MFSD11: variants seen among roughly 807,000 people sequenced by gnomAD.
MFSD11 encodes UNC93-like protein MFSD11.
In MFSD11, 36 loss-of-function variants were observed where a neutral mutation model predicts 53.5. The observed-to-expected ratio is 0.67, with a 90% CI of 0.52 to 0.89. The LOEUF is 0.89. Ranked by LOEUF, MFSD11 falls within the 40% of genes least tolerant of loss-of-function variation. The probability of loss-of-function intolerance (pLI) is 0.00; values close to 1 mark genes in which losing one functional copy is unlikely to be tolerated. For missense variants in MFSD11, 530 were observed against 543.9 expected (o/e 0.97, Z 0.25); for synonymous variants, 186 against 184.9 (o/e 1.01, Z -0.05).
At chr17:76,773,631 AC>A (rs2081559593) in intron 10 of MFSD11, among the ~76,000 whole-genome samples, 1 of 151,800 alleles carries the variant, frequency 6.6e-6, no homozygotes, top group Non-Finnish European at 1.5e-5. Context: ...TTTTTTCCAG[AC>A]GGAGTCTCGC....
At chr17:76,770,674 C>G (rs1251897256) in intron 10 of MFSD11, among the ~76,000 whole-genome samples, 1 of 152,194 alleles carries the variant, frequency 6.6e-6, no homozygotes, top group South Asian at 2.1e-4. Context: ...CCCTCTTCCC[C>G]CTTCATGTTT....
At chr17:76,746,443 C>G (rs1025331338) in intron 7 of MFSD11, among the ~76,000 whole-genome samples, 13 of 152,214 alleles carry the variant, frequency 8.5e-5, no homozygotes, top group African/African-American at 3.1e-4. Flanking sequence ...CTGCACTAAA[C>G]AACAGGTTTT....
chr17:76,773,543 A>C (rs2081552780), intron 10 of MFSD11, among the ~76,000 whole-genome samples: 1 of 151,952 alleles, frequency 6.6e-6, no homozygotes, highest in South Asian at 2.1e-4. Context: ...GTGTATGTGC[A>C]TATCTTTTGC....
At chr17:76,798,223 G>T in the MFSD11 span, among the ~76,000 whole-genome samples, 2 of 152,074 alleles carry the variant, frequency 1.3e-5, no homozygotes, top group Non-Finnish European at 2.9e-5. Flanking sequence ...CCAGTTTATT[G>T]TAGAGGATAC....
intron 5 of MFSD11, among the ~76,000 whole-genome samples, chr17:76,742,958 G>A (rs1030975801): frequency 2.6e-4 from 40 of 152,278 alleles, no homozygotes; most frequent in African/African-American, 9.6e-4. Flanking sequence ...TTAAAGAGTT[G>A]TATATTAAGA....
At chr17:76,741,916 C>G in intron 3 of MFSD11, 53 bp from the exon 4 acceptor site, 1 of 1,612,530 alleles carries the variant, frequency 6.2e-7, no homozygotes, top group East Asian at 2.2e-5. Context: ...GCATAATTGG[C>G]ATTCTATTTC....
intron 10 of MFSD11, among the ~76,000 whole-genome samples, chr17:76,772,514 C>CTT (rs1253072933): frequency 1.4e-4 from 19 of 132,916 alleles, no homozygotes; most frequent in South Asian, 2.5e-4. Context: ...ACCTTAGTAA[C>CTT]TTTTTTTTTT....
At chr17:76,787,129 ATTTCT>A in the MFSD11 span, among the ~76,000 whole-genome samples, 1 of 139,514 alleles carries the variant, frequency 7.2e-6, no homozygotes, top group African/African-American at 2.7e-5. Context: ...GATGTGAGTG[ATTTCT>A]TTTTTTTTTT....
chr17:76,769,427 C>T (rs1236984005), intron 9 of MFSD11: 2 of 196,972 alleles, frequency 1.0e-5, no homozygotes, highest in African/African-American at 4.8e-5. Flanking sequence ...TATAAGGGCA[C>T]TAATCACATC....
intron 8 of MFSD11, chr17:76,767,143 A>G (rs1034208201): frequency 5.3e-6 from 2 of 379,428 alleles, no homozygotes; most frequent in Non-Finnish European, 9.4e-6. Flanking sequence ...TGTTTTTGTT[A>G]TAAGAGCTGG....
the MFSD11 span, chr17:76,799,407 G>A: frequency 3.3e-5 from 5 of 151,866 alleles, no homozygotes; most frequent in African/African-American, 9.7e-5. Flanking sequence ...GAGCCACCAC[G>A]TCCTGCCTTA....
chr17:76,763,070 A>T (rs548596800), intron 8 of MFSD11, among the ~76,000 whole-genome samples: 1 of 152,254 alleles, frequency 6.6e-6, no homozygotes, highest in East Asian at 1.9e-4. Flanking sequence ...AAGTTCGTGT[A>T]CAAGTTTTTG....
At chr17:76,795,064 C>A in the MFSD11 span, among the ~76,000 whole-genome samples, 1 of 151,590 alleles carries the variant, frequency 6.6e-6, no homozygotes, top group Admixed American at 6.6e-5. Context: ...AACCATGGAT[C>A]GAAAATATGG....
Position 76,738,364 on chromosome 17 carries a change from A to G in MFSD11, c.12A>G (p.Glu4=). The G allele has an allele frequency of 6.2e-7, 1 of 1,613,920 alleles. No individual in the cohort carries two copies. The highest frequency in any genetic ancestry group is 8.5e-7 in the Non-Finnish European group (1 of 1,179,772). Residue 4 remains glutamate, a synonymous_variant, in exon 1 of 13, where the codon GAA becomes GAG. Transcript: ENST00000685175. The part of the protein sequence containing the change: MSP[E]SKKLFNIIIL... ...AGAGCTGAGCCAAAATGTCCCCGGAATCTAAAAAGCTTTTCAACATCATTA... is the reference window on the plus strand; with the variant it reads ...AGAGCTGAGCCAAAATGTCCCCGGAGTCTAAAAAGCTTTTCAACATCATTA...
chr17:76,790,500 C>T, the MFSD11 span, among the ~76,000 whole-genome samples: 3 of 147,016 alleles, frequency 2.0e-5, no homozygotes, highest in East Asian at 2.0e-4. Context: ...CGCCACCATA[C>T]CCACCACAGG....
chr17:76,776,495 A>G lies in MFSD11; in HGVS notation c.1139A>G (p.Tyr380Cys), dbSNP rs1339337725. The G allele has an allele frequency of 1.2e-6, 2 of 1,613,932 alleles. No individual in the cohort carries two copies. Among genetic ancestry groups the G allele is most frequent in the African/African-American group, 1.3e-5 (1 of 74,892 alleles). Residue 380 changes from tyrosine to cysteine, a missense_variant, in exon 12 of 13, where the codon TAT becomes TGT. Transcript: ENST00000685175. This position sits in a 1 kb window ranked among gnomAD's most constrained non-coding sequence, Gnocchi z 4.2. ...CTGCTTAGTATCTTGGGCTTTCTGT[A>G]TTCTGAAGACAGCGCCCCAGCATTT... The part of the protein sequence containing the change: ...TQLLSILGFL[Y>C]SEDSAPAFAI...
In MFSD11 at chr17:76,740,603, CT is replaced by C. The variant is rs10635263; in HGVS notation, c.153-350del. Among the ~76,000 whole-genome samples, 5 of 152,058 alleles carry C rather than the reference CT, an allele frequency of 3.3e-5. No homozygotes were observed. In the East Asian group the frequency reaches 7.7e-4, roughly 23 times the overall value. ...CTTAATCCCACTGTATTTCCTTTTTCTTTTCTTTCACATGAGGATAATAACA... is the reference window on the plus strand; with the variant it reads ...CTTAATCCCACTGTATTTCCTTTTTCTTTCTTTCACATGAGGATAATAACA... On this transcript the variant is annotated intron_variant, in intron 2 of 12. Coordinates refer to ENST00000685175, the MANE Select transcript of MFSD11 (RefSeq NM_001242532.5).
chr17:76,780,631 T>C (rs2082141269), downstream of MFSD11, among the ~76,000 whole-genome samples: 1 of 151,732 alleles, frequency 6.6e-6, no homozygotes, highest in Non-Finnish European at 1.5e-5. Flanking sequence ...TTCTCCTGCC[T>C]CAGCCTCCTG....
intron 7 of MFSD11, among the ~76,000 whole-genome samples, chr17:76,752,368 G>A (rs2079129626): frequency 6.6e-6 from 1 of 151,674 alleles, no homozygotes; most frequent in African/African-American, 2.4e-5. Flanking sequence ...TGTTTCGGCA[G>A]TAGTCTTGGT....
Sources: gnomAD v4.1 joint callset for allele counts (sites outside exome capture counted in the v4.1 genomes callset) on GRCh38, gnomAD v4.1.1 for gene constraint, Gnocchi (gnomAD v3.1) non-coding constraint, MANE v1.5 for transcripts, NCBI Gene and HGNC (gene_info 2026-07-23, HGNC 2026-07-21) for gene names.